The following CNTN1 variants were observed in gnomAD, a reference collection of about 807,000 sequenced individuals.
CNTN1 encodes the protein contactin-1.
Under a neutral mutation model 126.4 loss-of-function variants are expected in CNTN1, and 38 were observed. That is an observed-to-expected ratio of 0.30 (90% confidence interval 0.23 to 0.39). CNTN1 has a LOEUF of 0.39. Among genes scored for constraint, CNTN1 ranks in the 10% least tolerant of loss-of-function variants. The pLI is 1.00. For synonymous variants in CNTN1, 413 were observed against 422.6 expected (o/e 0.98, Z 0.28); for missense variants, 1,009 against 1,248.4 (o/e 0.81, Z 2.89).
At chr12:40,824,857 T>C (rs764515802) in intron 1 of CNTN1, among the ~76,000 whole-genome samples, 8 of 152,198 alleles carry the variant, frequency 5.3e-5, no homozygotes, top group South Asian at 2.1e-4. Flanking sequence ...TCTGCTGATA[T>C]GCCTCGCATA....
chr12:40,739,126 G>C (rs1489762540), intron 1 of CNTN1, among the ~76,000 whole-genome samples: 1 of 152,048 alleles, frequency 6.6e-6, no homozygotes, highest in East Asian at 1.9e-4. Context: ...CTAGTGTGCA[G>C]TGGAGCTTAA....
intron 1 of CNTN1, among the ~76,000 whole-genome samples, chr12:40,728,337 C>T (rs1171648758): frequency 6.6e-6 from 1 of 152,136 alleles, no homozygotes; most frequent in Non-Finnish European, 1.5e-5. Context: ...CGTGTGGTTT[C>T]ATTCTCATGT....
At chr12:40,734,909 A>T (rs140757033) in intron 1 of CNTN1, among the ~76,000 whole-genome samples, 21 of 152,246 alleles carry the variant, frequency 1.4e-4, no homozygotes, top group Non-Finnish European at 2.6e-4. Context: ...TAAGTTGAGA[A>T]GATTTATTTC....
intron 16 of CNTN1, among the ~76,000 whole-genome samples, chr12:40,982,369 A>G (rs897700554): frequency 6.6e-6 from 1 of 152,188 alleles, no homozygotes; most frequent in Non-Finnish European, 1.5e-5. Context: ...AAAGTATGAT[A>G]ATAATGAAAC....
At chr12:40,737,351 G>GTGTGTGTATATA (rs1937736501) in intron 1 of CNTN1, among the ~76,000 whole-genome samples, 1 of 112,666 alleles carries the variant, frequency 8.9e-6, no homozygotes, top group Non-Finnish European at 1.8e-5. Flanking sequence ...GTGTATATAT[G>GTGTGTGTATATA]TGTGTGTGTA....
chr12:40,746,057 A>T (rs1938167765), intron 1 of CNTN1, among the ~76,000 whole-genome samples: 1 of 152,194 alleles, frequency 6.6e-6, no homozygotes. Context: ...TTACTTTAAC[A>T]GTAAAACATA....
intron 1 of CNTN1, among the ~76,000 whole-genome samples, chr12:40,778,311 G>A (rs1407046505): frequency 6.6e-6 from 1 of 151,728 alleles, no homozygotes; most frequent in Admixed American, 6.6e-5. Context: ...TACTGTTTTT[G>A]TAAATAAAGT....
rs1941346436 is a variant in CNTN1, at chr12:40,693,135, C to T, written c.-77+543C>T. 3.3e-5 allele frequency among the ~76,000 whole-genome samples: 5 copies of T among 152,216 alleles called. No homozygotes were observed. In the South Asian group the frequency reaches 1.0e-3, roughly 31 times the overall value. ...GACCCCTCTGTTAAGATCTAGCTCC[C>T]TTCAGGAGATGGGGGTGGGGAAGAA... On this transcript the variant is annotated intron_variant, in intron 1 of 23. Transcript: ENST00000551295.
At chr12:40,967,552 T>C (rs1028813942) in intron 15 of CNTN1, among the ~76,000 whole-genome samples, 3 of 152,034 alleles carry the variant, frequency 2.0e-5, no homozygotes, top group East Asian at 1.9e-4. Context: ...AGGGAGACAG[T>C]AGGAAAGCTT....
At chr12:40,992,484 T>A (rs1337692025) in intron 16 of CNTN1, among the ~76,000 whole-genome samples, 3 of 152,008 alleles carry the variant, frequency 2.0e-5, no homozygotes. Context: ...TTATTATACC[T>A]CAATTAAATA....
chr12:40,814,066 G>A (rs534120466), intron 1 of CNTN1, among the ~76,000 whole-genome samples: 22 of 152,118 alleles, frequency 1.4e-4, no homozygotes, highest in South Asian at 4.1e-4. Context: ...TTGTAAATAC[G>A]TTTAAGTTCC....
intron 23 of CNTN1, among the ~76,000 whole-genome samples, chr12:41,034,042 T>G (rs1949203763): frequency 6.6e-6 from 1 of 151,904 alleles, no homozygotes; most frequent in Non-Finnish European, 1.5e-5. Flanking sequence ...AGAGTGAGAC[T>G]CCACCTCAAA....
intron 1 of CNTN1, among the ~76,000 whole-genome samples, chr12:40,810,368 C>T (rs1941014518): frequency 6.6e-6 from 1 of 152,164 alleles, no homozygotes. Flanking sequence ...TCTCACATAG[C>T]TACCTTTTGT....
At chr12:40,781,493 G>T (rs1408601160) in intron 1 of CNTN1, among the ~76,000 whole-genome samples, 1 of 151,914 alleles carries the variant, frequency 6.6e-6, no homozygotes, top group African/African-American at 2.4e-5. Flanking sequence ...GGTTCCATGG[G>T]AGACAAATAT....
chr12:40,943,457 G>A (rs1946328544), intron 12 of CNTN1, 140 bp from the exon 13 acceptor site: 3 of 652,064 alleles, frequency 4.6e-6, no homozygotes, highest in African/African-American at 1.8e-5. Context: ...GCTAGAATTT[G>A]TCATCTTACA....
chr12:40,884,363 T>G (rs1158095806), intron 1 of CNTN1, among the ~76,000 whole-genome samples: 1 of 151,560 alleles, frequency 6.6e-6, no homozygotes, highest in Non-Finnish European at 1.5e-5. Context: ...CTGATTATTA[T>G]AAAGCATTTG....
At chr12:41,036,040 C>G (rs1949253072) in intron 23 of CNTN1, among the ~76,000 whole-genome samples, 2 of 151,928 alleles carry the variant, frequency 1.3e-5, no homozygotes, top group African/African-American at 4.8e-5. Context: ...GTTGATAGAG[C>G]TAGTGAAAAG....
intron 1 of CNTN1, among the ~76,000 whole-genome samples, chr12:40,897,927 G>A (rs1055668510): frequency 2.6e-5 from 4 of 152,144 alleles, no homozygotes; most frequent in African/African-American, 9.7e-5. Context: ...GGCATTTAAG[G>A]TGCCATGATT....
intron 23 of CNTN1, among the ~76,000 whole-genome samples, chr12:41,058,541 G>A (rs368969109): frequency 8.5e-4 from 130 of 152,164 alleles, no homozygotes; most frequent in African/African-American, 3.1e-3. Flanking sequence ...TAACTACTCT[G>A]CTGATTTTAT....
Sources: gnomAD v4.1 joint callset for allele counts (sites outside exome capture counted in the v4.1 genomes callset) on GRCh38, gnomAD v4.1.1 for gene constraint, MANE v1.5 for transcripts, NCBI Gene and HGNC (gene_info 2026-07-23, HGNC 2026-07-21) for gene names.